Variants in PDZRN4 observed in about 807,000 individuals in gnomAD.
PDZRN4 encodes PDZ domain-containing RING finger protein 4.
PDZRN4 carries 70 observed loss-of-function variants against 99.0 expected under a neutral mutation model. The observed-to-expected ratio is 0.71, with a 90% confidence interval of 0.58 to 0.86. The LOEUF is 0.86. PDZRN4 is among the 40% of genes least tolerant of loss of function. PDZRN4 has a pLI of 0.00. For missense variants in PDZRN4, 1,474 were observed against 1,331.2 expected (o/e 1.11, Z -1.67); for synonymous variants, 551 against 501.6 (o/e 1.10, Z -1.32).
intron 7 of PDZRN4, 53 bp downstream of exon 7, chr12:41,555,813 AT>A: frequency 1.5e-6 from 2 of 1,371,748 alleles, no homozygotes; most frequent in Non-Finnish European, 2.1e-6. Flanking sequence ...CAAAGTTACT[AT>A]TTTACTTTGT....
At chr12:41,494,642 T>C (rs1937959580) in intron 3 of PDZRN4, among the ~76,000 whole-genome samples, 1 of 152,152 alleles carries the variant, frequency 6.6e-6, no homozygotes, top group South Asian at 2.1e-4. Context: ...AACAAAATAT[T>C]TCTTTTCTAA....
At chr12:41,369,097 A>C (rs2121075285) in intron 3 of PDZRN4, among the ~76,000 whole-genome samples, 1 of 152,224 alleles carries the variant, frequency 6.6e-6, no homozygotes, top group South Asian at 2.1e-4. Flanking sequence ...TTATGTGTCA[A>C]ACTCAACTAT....
At chr12:41,289,470 C>T (rs1394828072) in intron 3 of PDZRN4, among the ~76,000 whole-genome samples, 1 of 152,180 alleles carries the variant, frequency 6.6e-6, no homozygotes, top group Non-Finnish European at 1.5e-5. Context: ...TTCAGGCTCA[C>T]TGCTCCTTCA....
At chr12:41,488,125 T>A (rs150362580) in intron 3 of PDZRN4, among the ~76,000 whole-genome samples, 1 of 152,338 alleles carries the variant, frequency 6.6e-6, no homozygotes, top group East Asian at 1.9e-4. Context: ...AATGTATCAC[T>A]GCCTTTTAGC....
At chr12:41,336,298 G>A (rs573321290) in intron 3 of PDZRN4, among the ~76,000 whole-genome samples, 8 of 152,120 alleles carry the variant, frequency 5.3e-5, no homozygotes, top group Non-Finnish European at 1.2e-4. Context: ...CTTTTGTGGT[G>A]ACCATTGTAT....
chr12:41,509,317 G>A (rs1008732943), intron 4 of PDZRN4, among the ~76,000 whole-genome samples: 2 of 152,042 alleles, frequency 1.3e-5, no homozygotes, highest in African/African-American at 2.4e-5. Flanking sequence ...GAGAGGAGGG[G>A]ACAATGTGAG....
chr12:41,560,146 T>C (rs1939244840), intron 7 of PDZRN4, among the ~76,000 whole-genome samples: 1 of 152,190 alleles, frequency 6.6e-6, no homozygotes. Context: ...TCTATGTCTC[T>C]AGACTTTGAT....
intron 3 of PDZRN4, among the ~76,000 whole-genome samples, chr12:41,424,924 T>C (rs2120419631): frequency 6.6e-6 from 1 of 152,250 alleles, no homozygotes; most frequent in Non-Finnish European, 1.5e-5. Context: ...CAGCTTGTCA[T>C]ATCACCCCAC....
chr12:41,206,540 A>AT (rs1157022086), intron 3 of PDZRN4, among the ~76,000 whole-genome samples: 2,205 of 146,748 alleles, frequency 0.015, 61 homozygotes, highest in African/African-American at 0.057. Context: ...TAATTAATTA[A>AT]TAAATTAATA....
At chr12:41,548,331 T>G (rs1938993092) in intron 5 of PDZRN4, among the ~76,000 whole-genome samples, 1 of 152,192 alleles carries the variant, frequency 6.6e-6, no homozygotes, top group South Asian at 2.1e-4. Flanking sequence ...ATTTCTCATT[T>G]GATTTATTTT....
intron 3 of PDZRN4, among the ~76,000 whole-genome samples, chr12:41,417,516 T>C (rs913795405): frequency 7.9e-5 from 12 of 152,346 alleles, no homozygotes; most frequent in Middle Eastern, 3.4e-3. Context: ...TTCTGTTGTG[T>C]ACCAGGCAGT....
intron 3 of PDZRN4, among the ~76,000 whole-genome samples, chr12:41,317,258 T>A (rs1951645527): frequency 6.6e-6 from 1 of 151,044 alleles, no homozygotes; most frequent in South Asian, 2.1e-4. Context: ...GGCTGTCAAA[T>A]TCAGTATCTG....
At chr12:41,212,734 A>T (rs1950896438) in intron 3 of PDZRN4, among the ~76,000 whole-genome samples, 1 of 151,994 alleles carries the variant, frequency 6.6e-6, no homozygotes, top group Non-Finnish European at 1.5e-5. Flanking sequence ...GAAATATTGG[A>T]TGTAGAGTGG....
chr12:41,399,550 C>T (rs756759080), intron 3 of PDZRN4, among the ~76,000 whole-genome samples: 5 of 152,060 alleles, frequency 3.3e-5, no homozygotes, highest in African/African-American at 1.2e-4. Context: ...GCCTGGGCAA[C>T]ATGGTGAAAC....
intron 8 of PDZRN4, among the ~76,000 whole-genome samples, chr12:41,566,851 A>G (rs1329791523): frequency 6.6e-6 from 1 of 152,204 alleles, no homozygotes; most frequent in Non-Finnish European, 1.5e-5. Flanking sequence ...ACGATAATCC[A>G]GTTAATTTAA....
At chr12:41,312,498 C>T (rs1305421944) in intron 3 of PDZRN4, among the ~76,000 whole-genome samples, 1 of 152,136 alleles carries the variant, frequency 6.6e-6, no homozygotes, top group Non-Finnish European at 1.5e-5. Context: ...CTAATAAAGA[C>T]ATATCTGAGA....
chr12:41,330,884 T>A (rs1951737615), intron 3 of PDZRN4, among the ~76,000 whole-genome samples: 1 of 152,088 alleles, frequency 6.6e-6, no homozygotes, highest in Non-Finnish European at 1.5e-5. Context: ...ACCCCAGAAA[T>A]ATTTTGATAC....
intron 3 of PDZRN4, among the ~76,000 whole-genome samples, chr12:41,316,146 G>C (rs73122886): frequency 0.16 from 24,256 of 151,960 alleles, 2,345 homozygotes; most frequent in Non-Finnish European, 0.22. Flanking sequence ...ATTCCAACTT[G>C]AATGCTGTCT....
intron 3 of PDZRN4, among the ~76,000 whole-genome samples, chr12:41,393,469 C>T (rs1303519810): frequency 1.3e-5 from 2 of 150,954 alleles, no homozygotes; most frequent in South Asian, 4.2e-4. Flanking sequence ...TTCTTAGGGT[C>T]TTATGAGCTC....
Sources: gnomAD v4.1 joint callset for allele counts (sites outside exome capture counted in the v4.1 genomes callset) on GRCh38, gnomAD v4.1.1 for gene constraint, MANE v1.5 for transcripts, NCBI Gene and HGNC (gene_info 2026-07-23, HGNC 2026-07-21) for gene names.